The following MACROD2 variants were observed in gnomAD, a reference collection of about 807,000 sequenced individuals.
MACROD2 encodes the protein ADP-ribose glycohydrolase MACROD2.
A neutral mutation model predicts 70.4 loss-of-function variants in MACROD2; 36 were observed. The observed-to-expected ratio is 0.51, with a 90% CI of 0.39 to 0.68. The LOEUF (loss-of-function observed/expected upper bound fraction) is 0.68. Ranked by LOEUF, MACROD2 falls within the 30% of genes least tolerant of loss-of-function variation. The pLI is 0.00. For synonymous variants in MACROD2, 172 were observed against 178.8 expected (o/e 0.96, Z 0.30); for missense variants, 496 against 538.4 (o/e 0.92, Z 0.78).
intron 5 of MACROD2, among the ~76,000 whole-genome samples, chr20:14,762,932 A>AAAAC (rs749076636): frequency 1.7e-4 from 26 of 152,058 alleles, no homozygotes; most frequent in Non-Finnish European, 3.1e-4. Context: ...TCCGTCTCAA[A>AAAAC]AAACAAACAA....
chr20:14,784,152 C>T (rs2072335520), intron 5 of MACROD2, among the ~76,000 whole-genome samples: 1 of 152,070 alleles, frequency 6.6e-6, no homozygotes, highest in African/African-American at 2.4e-5. Flanking sequence ...TATTCTCTTC[C>T]TCGCTCCTAC....
rs188568563 is a variant in MACROD2 at position 14,227,414 on chromosome 20, G to A, written c.271+141686G>A. Reference sequence around the variant, plus strand: ...ATGAGATGTAACACTCACCACAAAGGTCTGCAGCTTCACTCCTGAAGCCAG... The same window carrying A: ...ATGAGATGTAACACTCACCACAAAGATCTGCAGCTTCACTCCTGAAGCCAG... On this transcript the variant is annotated intron_variant, in intron 3 of 17. Coordinates refer to ENST00000684519, the MANE Select transcript of MACROD2 (RefSeq NM_001351661.2). 1.9e-3 allele frequency among the ~76,000 whole-genome samples: 292 copies of A among 152,240 alleles called. 1 individual carries two copies. Among genetic ancestry groups the A allele is most frequent in the Non-Finnish European group, 3.3e-3 (224 of 68,004 alleles).
rs540869595 is a variant in MACROD2, at chr20:14,599,833, A to T, written c.302-85010A>T. ...TTGACAAGACTTGGCAATGCCTCACATAGGGAGGCGGACAGGGGAGGATTT... is the reference window on the plus strand; with the variant it reads ...TTGACAAGACTTGGCAATGCCTCACTTAGGGAGGCGGACAGGGGAGGATTT... On this transcript the variant is annotated intron_variant, in intron 4 of 17. Coordinates refer to ENST00000684519, the MANE Select transcript of MACROD2 (RefSeq NM_001351661.2). Among the ~76,000 whole-genome samples, 6 of 152,276 alleles carry T rather than the reference A, an allele frequency of 3.9e-5. No individual in the cohort carries two copies. The South Asian group carries it at 1.2e-3, about 32-fold the overall frequency.
At chr20:15,891,898 A>C (rs993336389) in intron 10 of MACROD2, among the ~76,000 whole-genome samples, 1 of 152,136 alleles carries the variant, frequency 6.6e-6, no homozygotes, top group Non-Finnish European at 1.5e-5. Flanking sequence ...AGTGCTGTGA[A>C]GTGTGGGGCA....
chr20:15,957,692 G>A (rs1050273116), intron 12 of MACROD2, among the ~76,000 whole-genome samples: 9 of 152,322 alleles, frequency 5.9e-5, no homozygotes, highest in South Asian at 2.1e-4. Flanking sequence ...CCCAAAGAAG[G>A]AAGTCTCCTC....
At chr20:15,131,891 G>A (rs1264543449) in intron 5 of MACROD2, among the ~76,000 whole-genome samples, 2 of 151,812 alleles carry the variant, frequency 1.3e-5, no homozygotes, top group African/African-American at 4.8e-5. Flanking sequence ...TACTTGTTAA[G>A]ATAATGATAT....
chr20:15,439,753 C>T (rs918545584), intron 7 of MACROD2, among the ~76,000 whole-genome samples: 7 of 152,178 alleles, frequency 4.6e-5, no homozygotes, highest in Admixed American at 2.0e-4. Context: ...GCTACTCCAA[C>T]GTGACGTTTC....
intron 6 of MACROD2, among the ~76,000 whole-genome samples, chr20:15,362,434 T>C (rs1442007821): frequency 7.1e-6 from 1 of 141,180 alleles, no homozygotes; most frequent in Non-Finnish European, 1.5e-5. Context: ...AGGTTTTTTT[T>C]ATAGGTATAC....
intron 4 of MACROD2, among the ~76,000 whole-genome samples, chr20:14,659,258 T>C (rs1049605223): frequency 3.3e-5 from 5 of 152,236 alleles, no homozygotes; most frequent in African/African-American, 9.6e-5. Flanking sequence ...CTATTCTCCA[T>C]ATGTCCTACA....
intron 5 of MACROD2, among the ~76,000 whole-genome samples, chr20:14,991,758 A>G (rs1465586688): frequency 2.6e-5 from 4 of 152,202 alleles, no homozygotes; most frequent in African/African-American, 4.8e-5. Context: ...TTAGTTGACA[A>G]TCTCTAGACT....
rs956096013 is a variant in MACROD2 at position 15,300,261 on chromosome 20, C to G, written c.540+70200C>G. On this transcript the variant is annotated intron_variant, in intron 6 of 17. Coordinates refer to ENST00000684519, the MANE Select transcript of MACROD2 (RefSeq NM_001351661.2). Reference sequence around the variant, plus strand: ...ATTTGTAATTCATATTTAGGCCTTGCAAAGATGCTCATTGTTCTCAAACCA... The same window carrying G: ...ATTTGTAATTCATATTTAGGCCTTGGAAAGATGCTCATTGTTCTCAAACCA... Among the ~76,000 whole-genome samples the G allele has an allele frequency of 2.0e-5, 3 of 152,134 alleles. No individual in the cohort carries two copies. The South Asian group carries it at 6.2e-4, about 32-fold the overall frequency.
At chr20:14,414,368 C>T (rs553863390) in intron 3 of MACROD2, among the ~76,000 whole-genome samples, 2 of 152,078 alleles carry the variant, frequency 1.3e-5, no homozygotes, top group Non-Finnish European at 2.9e-5. Flanking sequence ...ATCCAGTCAC[C>T]CTGAAAATCC....
intron 5 of MACROD2, among the ~76,000 whole-genome samples, chr20:14,857,129 C>T (rs2073263143): frequency 6.6e-6 from 1 of 152,122 alleles, no homozygotes; most frequent in African/African-American, 2.4e-5. Flanking sequence ...TCCTCTGCTC[C>T]CCAATCCCAT....
At chr20:15,667,627 A>T (rs553020541) in intron 8 of MACROD2, among the ~76,000 whole-genome samples, 28 of 152,294 alleles carry the variant, frequency 1.8e-4, no homozygotes, top group Middle Eastern at 3.4e-3. Context: ...TATCATTATT[A>T]TACCCCCAAA....
intron 10 of MACROD2, among the ~76,000 whole-genome samples, chr20:15,920,963 C>G (rs1444185860): frequency 6.6e-6 from 1 of 152,188 alleles, no homozygotes; most frequent in Non-Finnish European, 1.5e-5. Context: ...TCTTTTCAGT[C>G]CATCCTGTTC....
intron 4 of MACROD2, among the ~76,000 whole-genome samples, chr20:14,683,890 C>T (rs1457035523): frequency 6.6e-6 from 1 of 151,794 alleles, no homozygotes; most frequent in Admixed American, 6.6e-5. Flanking sequence ...GGGGCCCATT[C>T]AATAATAACT....
At chr20:15,183,634 C>G (rs1418692003) in intron 5 of MACROD2, among the ~76,000 whole-genome samples, 1 of 152,076 alleles carries the variant, frequency 6.6e-6, no homozygotes, top group Non-Finnish European at 1.5e-5. Flanking sequence ...ATCTTTTATG[C>G]AGAAGTGAAG....
intron 5 of MACROD2, among the ~76,000 whole-genome samples, chr20:15,018,584 G>T (rs112518360): frequency 4.2e-4 from 63 of 151,480 alleles, no homozygotes; most frequent in African/African-American, 1.3e-3. Context: ...TAGAGGGACA[G>T]AATTAATAGG....
intron 5 of MACROD2, among the ~76,000 whole-genome samples, chr20:14,999,709 G>A (rs532099594): frequency 6.6e-6 from 1 of 152,188 alleles, no homozygotes; most frequent in Non-Finnish European, 1.5e-5. Flanking sequence ...TTAAAATGTA[G>A]AGTTTTTATT....
Sources: allele counts gnomAD v4.1 joint callset (sites outside exome capture counted in the v4.1 genomes callset), GRCh38; gene constraint gnomAD v4.1.1; transcripts MANE v1.5; gene names NCBI Gene and HGNC (gene_info 2026-07-23, HGNC 2026-07-21).